Variants in CLPTM1 observed in about 807,000 individuals in gnomAD.
CLPTM1 encodes the protein CLPTM1 regulator of GABA type A receptor forward trafficking.
A neutral mutation model predicts 77.3 loss-of-function variants in CLPTM1; 21 were observed. That is an observed-to-expected ratio of 0.27 (90% CI 0.19 to 0.39). The LOEUF is 0.39. Among genes scored for constraint, CLPTM1 ranks in the 10% least tolerant of loss-of-function variants. The pLI is 1.00. For missense variants in CLPTM1, 642 were observed against 921.2 expected, an observed-to-expected ratio of 0.70 and a Z score of 3.92; for synonymous variants, 373 against 381.0, an observed-to-expected ratio of 0.98 and a Z score of 0.24.
chr19:44,963,935 T>G (rs1330379364), intron 2 of CLPTM1, among the ~76,000 whole-genome samples: 1 of 146,506 alleles, frequency 6.8e-6, no homozygotes, highest in Non-Finnish European at 1.5e-5. Flanking sequence ...AATTTTTGCT[T>G]TTTTTTTTTT....
chr19:44,976,545 G>A (rs750917433), intron 4 of CLPTM1, among the ~76,000 whole-genome samples: 2 of 152,196 alleles, frequency 1.3e-5, no homozygotes, highest in Non-Finnish European at 2.9e-5. Flanking sequence ...AACTGAATTC[G>A]AGCTCTGCAC....
At chr19:44,977,204 A>C in intron 4 of CLPTM1, 139 bp from the exon 5 acceptor site, 5 of 690,582 alleles carry the variant, frequency 7.2e-6, no homozygotes, top group Non-Finnish European at 1.3e-5. Flanking sequence ...ACCCAGCTAC[A>C]TGCCCCACCC....
intron 1 of CLPTM1, among the ~76,000 whole-genome samples, chr19:44,960,205 A>G (rs1359952428): frequency 6.6e-6 from 1 of 152,206 alleles, no homozygotes; most frequent in Non-Finnish European, 1.5e-5. Context: ...CAGACGACCC[A>G]GACGTCAAAG....
chr19:44,990,474 C>A lies in CLPTM1; in HGVS notation c.1212C>A (p.Phe404Leu), dbSNP rs773396556. Residue 404 changes from phenylalanine (F) to leucine (L), a missense_variant, in exon 10 of 14, where the codon TTC becomes TTA. Phe to Leu is a conservative substitution (Grantham distance 22). Coordinates refer to ENST00000337392, the MANE Select transcript of CLPTM1 (RefSeq NM_001294.4). The surrounding 1 kb of genome is among the most constrained non-coding windows in gnomAD (Gnocchi z 4.8). ...TCTTCTTCGGCGTTTTCCAGTCATT[C>A]GTGGTCCTCCTCTACATCCTGGACA... ...RSVFFGVFQS[F>L]VVLLYILDNE... 1 of 1,614,004 alleles carries A rather than the reference C, an allele frequency of 6.2e-7. No homozygotes were observed. Among genetic ancestry groups the A allele is most frequent in the Non-Finnish European group, 8.5e-7 (1 of 1,180,000 alleles).
intron 8 of CLPTM1, 102 bp downstream of exon 8, chr19:44,987,525 G>A (rs1330989460): frequency 1.4e-6 from 2 of 1,475,254 alleles, no homozygotes; most frequent in South Asian, 2.5e-5. Context: ...CCCGCCTGGT[G>A]CTCCTCTGCC....
chr19:44,962,793 C>T (rs980620980), intron 2 of CLPTM1, among the ~76,000 whole-genome samples: 5 of 151,682 alleles, frequency 3.3e-5, no homozygotes, highest in Non-Finnish European at 7.4e-5. Context: ...TGGCTGGGCA[C>T]GGTGGCTTAC....
rs567800004 is a variant in CLPTM1, at chr19:44,967,651, C to CT, written c.186-5435dup. ...CAGCCTGGGCAACAAGAGTGAAACT[C>CT]TGTCCCAAAAAAAAAAAAAAACAAC... is the stretch of plus-strand genomic sequence containing the variant. On this transcript the variant is annotated intron_variant, in intron 2 of 13. Coordinates refer to ENST00000337392, the MANE Select transcript of CLPTM1 (RefSeq NM_001294.4). Among the ~76,000 whole-genome samples, 36 of 130,192 alleles carry CT rather than the reference C, an allele frequency of 2.8e-4. No individual in the cohort carries two copies. In the South Asian group the frequency reaches 8.9e-3, roughly 32 times the overall value. The allele number at this position is 130,192 out of a possible 152,430, so 85.4% of individuals were successfully genotyped here.
At chr19:44,972,263 T>C (rs914275358) in intron 2 of CLPTM1, among the ~76,000 whole-genome samples, 1 of 151,702 alleles carries the variant, frequency 6.6e-6, no homozygotes, top group Non-Finnish European at 1.5e-5. Context: ...TCTTTTTTTT[T>C]TTGAGATGGA....
chr19:44,972,466 G>A (rs1484729897), intron 2 of CLPTM1, among the ~76,000 whole-genome samples: 5 of 151,740 alleles, frequency 3.3e-5, no homozygotes, highest in East Asian at 3.9e-4. Context: ...AGCCAGGATG[G>A]TCTCAATCTC....
chr19:44,979,370 T>C (rs79782844), intron 5 of CLPTM1, among the ~76,000 whole-genome samples: 4 of 152,146 alleles, frequency 2.6e-5, no homozygotes, highest in African/African-American at 9.7e-5. Flanking sequence ...TGAGCGGAGC[T>C]GGAGAATGGC....
rs1971047685 is a variant in CLPTM1, at chr19:44,990,242, T to G, written c.1133-153T>G. On this transcript the variant is annotated intron_variant, in intron 9 of 13. Transcript: ENST00000337392. The surrounding 1 kb of genome is among the most constrained non-coding windows in gnomAD (Gnocchi z 4.8). ...GGGTCACCCAATGAATATGAGAGCCTTCCTGGGAGAGAGGGGTCTCGTTCA... is the reference window on the plus strand; with the variant it reads ...GGGTCACCCAATGAATATGAGAGCCGTCCTGGGAGAGAGGGGTCTCGTTCA... 1.4e-6 allele frequency: 1 copy of G among 729,966 alleles called. No homozygotes were observed. Among genetic ancestry groups the G allele is most frequent in the East Asian group, 2.5e-5 (1 of 39,562 alleles). 45.2% of individuals were successfully genotyped at this position (729,966 alleles called of 1,614,324 possible).
chr19:44,965,864 G>A (rs1970620476), intron 2 of CLPTM1, among the ~76,000 whole-genome samples: 1 of 152,208 alleles, frequency 6.6e-6, no homozygotes, highest in Non-Finnish European at 1.5e-5. Flanking sequence ...TGGCTAGAAT[G>A]TCTTCACATG....
chr19:44,966,816 C>T (rs1970637346), intron 2 of CLPTM1, among the ~76,000 whole-genome samples: 1 of 151,822 alleles, frequency 6.6e-6, no homozygotes, highest in African/African-American at 2.4e-5. Flanking sequence ...GCCTGAGCAA[C>T]ACAGTAAGAC....
In CLPTM1 at chr19:44,985,269, C is replaced by T; in HGVS notation, c.638C>T (p.Thr213Ile). ...TTTCAGAAAACCAAGAACCTGCTGA[C>T]AGGAGAGACAGAAGCGGACCCAGAA... is the stretch of plus-strand genomic sequence containing the variant. ...RRFQKTKNLL[T>I]GETEADPEMI... The change falls in exon 6 of 14, where the codon ACA becomes ATA. Residue 213 changes from threonine (T) to isoleucine (I), a missense_variant. By Grantham distance (89) the Thr-to-Ile change is moderately conservative. Coordinates refer to ENST00000337392, the MANE Select transcript of CLPTM1 (RefSeq NM_001294.4). The T allele has an allele frequency of 6.2e-7, 1 of 1,613,778 alleles. No individual in the cohort carries two copies. The highest frequency in any genetic ancestry group is 8.5e-7 in the Non-Finnish European group (1 of 1,179,752).
chr19:44,979,176 C>T (rs1479521214), intron 5 of CLPTM1, among the ~76,000 whole-genome samples: 6 of 151,988 alleles, frequency 3.9e-5, no homozygotes, highest in African/African-American at 1.4e-4. Context: ...GACGGGGTTT[C>T]GCCATGTTGG....
intron 6 of CLPTM1, 88 bp from the exon 7 acceptor site, chr19:44,986,367 G>A (rs1214791239): frequency 6.7e-6 from 10 of 1,489,892 alleles, no homozygotes; most frequent in South Asian, 3.8e-5. Flanking sequence ...AGATTTTCTC[G>A]GGAACCCTGG....
rs113740096 is a variant in CLPTM1 at position 44,985,068 on chromosome 19, G to A, written c.587-150G>A. 470 of 587,010 alleles carry A rather than the reference G, an allele frequency of 8.0e-4. 3 individuals are homozygous for A. The highest frequency in any genetic ancestry group is 3.6e-3 in the Middle Eastern group (8 of 2,244). 36.4% of individuals were successfully genotyped at this position (587,010 alleles called of 1,614,324 possible). On this transcript the variant is annotated intron_variant, in intron 5 of 13. Transcript: ENST00000337392. ...CGTTGAGATTTGGGGAGGCAGTTCT[G>A]GCATTCCAGGTCACATTGATCTCAG...
chr19:44,974,014 T>C (rs1270716945), intron 3 of CLPTM1, among the ~76,000 whole-genome samples: 7 of 152,078 alleles, frequency 4.6e-5, no homozygotes, highest in Admixed American at 4.6e-4. Flanking sequence ...TCTACCCGCC[T>C]TGGCCTCCCA....
At position 44,993,042 on chromosome 19, in the gene CLPTM1, T is replaced by G; in HGVS notation, c.*145T>G. The G allele has an allele frequency of 1.9e-6, 2 of 1,046,228 alleles. No homozygotes were observed. Among genetic ancestry groups the G allele is most frequent in the Non-Finnish European group, 2.9e-6 (2 of 695,246 alleles). 64.8% of individuals were successfully genotyped at this position (1,046,228 alleles called of 1,614,324 possible). A position where few individuals can be genotyped will look rare whatever the true frequency, so the allele number is the denominator to read the frequency against. ...CCGCCTCAGGTCAGGGCCCAGCGTG[T>G]GATGTAGGGGCCGGGGCAGGCCAGG... is the stretch of plus-strand genomic sequence containing the variant. On this transcript the variant is annotated 3_prime_UTR_variant, in exon 14 of 14. Coordinates refer to ENST00000337392, the MANE Select transcript of CLPTM1 (RefSeq NM_001294.4).
Sources: allele counts gnomAD v4.1 joint callset (sites outside exome capture counted in the v4.1 genomes callset), GRCh38; gene constraint gnomAD v4.1.1; non-coding constraint Gnocchi (gnomAD v3.1); transcripts MANE v1.5; gene names NCBI Gene and HGNC (gene_info 2026-07-23, HGNC 2026-07-21).